The following RASEF variants were observed in gnomAD, a reference collection of about 807,000 sequenced individuals.
RASEF encodes RAS and EF-hand domain containing.
RASEF carries 68 observed loss-of-function variants against 90.1 expected under a neutral mutation model. That is an observed-to-expected ratio of 0.75 (90% confidence interval 0.62 to 0.92). RASEF has a LOEUF of 0.92. Among genes scored for constraint, RASEF ranks in the 40% least tolerant of loss-of-function variants. The pLI, the probability that RASEF is intolerant of heterozygous loss-of-function variation, is 0.00. For synonymous variants in RASEF, 331 were observed against 345.2 expected (o/e 0.96, Z 0.46); for missense variants, 949 against 937.2 (o/e 1.01, Z -0.16).
At chr9:83,199,856 T>A in the RASEF span, among the ~76,000 whole-genome samples, 1 of 152,142 alleles carries the variant, frequency 6.6e-6, no homozygotes, top group Non-Finnish European at 1.5e-5. Flanking sequence ...GACCTGGAAC[T>A]GGACTAGGAG....
At chr9:83,022,876 C>T (rs369309276) in intron 2 of RASEF, among the ~76,000 whole-genome samples, 22 of 152,224 alleles carry the variant, frequency 1.4e-4, no homozygotes, top group Non-Finnish European at 2.8e-4. Context: ...AGAATAGATA[C>T]AGTAAAAGTA....
At chr9:83,073,064 C>G in the RASEF span, among the ~76,000 whole-genome samples, 25 of 152,262 alleles carry the variant, frequency 1.6e-4, no homozygotes, top group East Asian at 3.3e-3. Flanking sequence ...ATTTGTGGCA[C>G]GTTTCTCTCC....
chr9:83,032,704 G>T (rs1256135226), intron 1 of RASEF, among the ~76,000 whole-genome samples: 1 of 152,158 alleles, frequency 6.6e-6, no homozygotes, highest in East Asian at 1.9e-4. Flanking sequence ...ATTTTTAAAT[G>T]ATCCCTGGGA....
At chr9:83,036,468 GTACCTCGGA>G (rs1829743075) in intron 1 of RASEF, among the ~76,000 whole-genome samples, 1 of 152,220 alleles carries the variant, frequency 6.6e-6, no homozygotes, top group South Asian at 2.1e-4. Context: ...GCAATGGAGA[GTACCTCGGA>G]TGCTCTTGCT....
intron 7 of RASEF, 91 bp downstream of exon 7, chr9:83,007,346 C>G: frequency 2.0e-6 from 2 of 1,020,282 alleles, no homozygotes; most frequent in Non-Finnish European, 3.1e-6. Flanking sequence ...GTGTTCAGAA[C>G]ATGGCAACTC....
At chr9:83,049,434 T>A (rs540495240) in intron 1 of RASEF, 1 of 675,954 alleles carries the variant, frequency 1.5e-6, no homozygotes, top group African/African-American at 2.0e-5. Flanking sequence ...CCATCACTTT[T>A]CTATTTAGAC....
the RASEF span, among the ~76,000 whole-genome samples, chr9:83,093,336 G>T: frequency 1.3e-5 from 2 of 152,188 alleles, no homozygotes; most frequent in African/African-American, 4.8e-5. Context: ...ACTGGGCCCC[G>T]CGGAGCAGGG....
chr9:83,140,027 G>A, the RASEF span, among the ~76,000 whole-genome samples: 3 of 152,090 alleles, frequency 2.0e-5, no homozygotes, highest in African/African-American at 7.2e-5. Context: ...AATGTAGATG[G>A]ACTATACTAA....
chr9:83,131,903 G>A, the RASEF span, among the ~76,000 whole-genome samples: 1 of 151,974 alleles, frequency 6.6e-6, no homozygotes, highest in African/African-American at 2.4e-5. Context: ...CTTTCTACCT[G>A]GAGACAACTC....
the RASEF span, among the ~76,000 whole-genome samples, chr9:83,113,708 G>C: frequency 0.029 from 4,485 of 152,250 alleles, 229 homozygotes; most frequent in African/African-American, 0.1. Flanking sequence ...TCCTGCAGTA[G>C]CCTCAGGCTT....
chr9:83,079,160 T>C, the RASEF span, among the ~76,000 whole-genome samples: 1 of 152,218 alleles, frequency 6.6e-6, no homozygotes, highest in Non-Finnish European at 1.5e-5. Context: ...GCCTAGGTTG[T>C]CTTTCAGGGT....
chr9:83,134,839 C>T, the RASEF span, among the ~76,000 whole-genome samples: 159 of 152,192 alleles, frequency 1.0e-3, no homozygotes, highest in African/African-American at 3.4e-3. Flanking sequence ...TTCACAACAG[C>T]CAAAATGTAG....
the RASEF span, among the ~76,000 whole-genome samples, chr9:83,141,405 T>C: frequency 1.3e-5 from 2 of 152,034 alleles, no homozygotes; most frequent in African/African-American, 4.8e-5. Flanking sequence ...GTCATTGACA[T>C]CCTTGAGAAA....
intron 4 of RASEF, among the ~76,000 whole-genome samples, chr9:83,015,361 A>G (rs2118526506): frequency 6.6e-6 from 1 of 152,316 alleles, no homozygotes; most frequent in South Asian, 2.1e-4. Context: ...GCCCCTGGAA[A>G]CAGAAGAGGA....
the RASEF span, among the ~76,000 whole-genome samples, chr9:83,183,616 A>C: frequency 3.9e-5 from 6 of 152,330 alleles, no homozygotes; most frequent in African/African-American, 1.4e-4. Context: ...AATTTGTTAC[A>C]GTAGTCCAAA....
chr9:83,094,706 C>A, the RASEF span, among the ~76,000 whole-genome samples: 1 of 152,138 alleles, frequency 6.6e-6, no homozygotes, highest in African/African-American at 2.4e-5. Context: ...GACCAAAATA[C>A]AATGAGGGTA....
At chr9:83,064,936 C>T (rs542213220), upstream of RASEF, among the ~76,000 whole-genome samples, 8 of 152,188 alleles carry the variant, frequency 5.3e-5, no homozygotes, top group East Asian at 5.8e-4. Flanking sequence ...GGCGTGGTGG[C>T]GGGCACCTTT....
the RASEF span, among the ~76,000 whole-genome samples, chr9:83,122,252 C>A: frequency 6.6e-6 from 1 of 152,110 alleles, no homozygotes; most frequent in Admixed American, 6.5e-5. Context: ...AGCCCAGGAC[C>A]CCTGCAGCTT....
intron 15 of RASEF, among the ~76,000 whole-genome samples, chr9:82,991,178 A>C (rs1365090688): frequency 6.6e-6 from 1 of 152,094 alleles, no homozygotes; most frequent in South Asian, 2.1e-4. Flanking sequence ...GTGTCCGCAA[A>C]GCCTTCCCAC....
Sources: allele counts gnomAD v4.1 joint callset (sites outside exome capture counted in the v4.1 genomes callset), GRCh38; gene constraint gnomAD v4.1.1; transcripts MANE v1.5; gene names NCBI Gene and HGNC (gene_info 2026-07-23, HGNC 2026-07-21).